Variants in PTPRD observed in about 807,000 individuals in gnomAD.
The protein encoded by PTPRD is receptor-type tyrosine-protein phosphatase delta.
Under a neutral mutation model 214.5 loss-of-function variants are expected in PTPRD, and 34 were observed. The observed-to-expected ratio is 0.16, with a 90% CI of 0.12 to 0.21. The LOEUF is 0.21. Ranked by LOEUF, PTPRD falls within the 10% of genes least tolerant of loss-of-function variation. The pLI is 1.00. For synonymous variants in PTPRD, 1,128 were observed against 845.7 expected (o/e 1.33, Z -5.79); for missense variants, 2,545 against 2,398.7 (o/e 1.06, Z -1.27).
chr9:8,799,396 T>A (rs754563520), intron 11 of PTPRD, among the ~76,000 whole-genome samples: 2 of 152,236 alleles, frequency 1.3e-5, no homozygotes, highest in Admixed American at 6.5e-5. Flanking sequence ...CTGAAGTTCT[T>A]TGAAGTTTCC....
At chr9:9,515,001 A>G (rs2154249132) in intron 8 of PTPRD, among the ~76,000 whole-genome samples, 1 of 152,204 alleles carries the variant, frequency 6.6e-6, no homozygotes, top group African/African-American at 2.4e-5. Flanking sequence ...GAGGTCATGA[A>G]CCATTTTATC....
intron 9 of PTPRD, among the ~76,000 whole-genome samples, chr9:9,186,296 G>A (rs1163497402): frequency 6.6e-6 from 1 of 152,062 alleles, no homozygotes; most frequent in East Asian, 1.9e-4. Flanking sequence ...AATTTGGACT[G>A]GTTGTTATGG....
intron 8 of PTPRD, among the ~76,000 whole-genome samples, chr9:9,570,378 C>G (rs1303035170): frequency 1.3e-5 from 2 of 151,430 alleles, no homozygotes; most frequent in Non-Finnish European, 1.5e-5. Flanking sequence ...CATTTTTCCC[C>G]AAGCCCTGTC....
chr9:10,488,743 C>T (rs1351093923), intron 2 of PTPRD, among the ~76,000 whole-genome samples: 1 of 152,188 alleles, frequency 6.6e-6, no homozygotes, highest in Non-Finnish European at 1.5e-5. Flanking sequence ...ACCGCCACCA[C>T]AGGCCCATGG....
chr9:9,209,812 G>A (rs566660736), intron 9 of PTPRD, among the ~76,000 whole-genome samples: 1 of 152,180 alleles, frequency 6.6e-6, no homozygotes, highest in East Asian at 1.9e-4. Context: ...CTTGCAATTA[G>A]TAAGTTAGCC....
intron 5 of PTPRD, among the ~76,000 whole-genome samples, chr9:9,925,723 A>C (rs1236433458): frequency 6.6e-6 from 1 of 152,018 alleles, no homozygotes; most frequent in South Asian, 2.1e-4. Context: ...TGTCTCAAAA[A>C]ATTTTCTTCT....
chr9:9,372,065 G>A (rs572848229), intron 9 of PTPRD, among the ~76,000 whole-genome samples: 11 of 152,270 alleles, frequency 7.2e-5, no homozygotes, highest in Non-Finnish European at 1.3e-4. Flanking sequence ...AGTGCAGTGT[G>A]GTGCTGAAAA....
intron 8 of PTPRD, among the ~76,000 whole-genome samples, chr9:9,404,997 C>A (rs1387247415): frequency 6.6e-6 from 1 of 151,996 alleles, no homozygotes; most frequent in African/African-American, 2.4e-5. Flanking sequence ...TGTTTATTTC[C>A]CCATCATTTC....
intron 9 of PTPRD, among the ~76,000 whole-genome samples, chr9:9,240,551 A>AT (rs1464225519): frequency 6.6e-6 from 1 of 152,142 alleles, no homozygotes; most frequent in Non-Finnish European, 1.5e-5. Flanking sequence ...CGTGCCTGTC[A>AT]TCCCAGCTAC....
chr9:9,396,722 A>G (rs572623162), intron 9 of PTPRD, among the ~76,000 whole-genome samples: 1 of 152,176 alleles, frequency 6.6e-6, no homozygotes, highest in South Asian at 2.1e-4. Flanking sequence ...GAATAAGAAC[A>G]AAAAATGCAA....
At chr9:9,900,039 A>C (rs1402586432) in intron 5 of PTPRD, among the ~76,000 whole-genome samples, 1 of 152,182 alleles carries the variant, frequency 6.6e-6, no homozygotes, top group East Asian at 1.9e-4. Flanking sequence ...GAAAAAAATG[A>C]AATATTGAAG....
At chr9:8,958,215 A>G (rs1325765382) in intron 11 of PTPRD, among the ~76,000 whole-genome samples, 2 of 151,904 alleles carry the variant, frequency 1.3e-5, no homozygotes, top group South Asian at 2.1e-4. Context: ...CTGGAGACTC[A>G]TGATGCCTCA....
chr9:10,417,695 A>T lies in PTPRD; in HGVS notation c.-599-76678T>A, dbSNP rs185935658. ...TAGAAAGTAACAAAAAATTAAAATT[A>T]AAATTGGAAACAATAGTAGCAAGGA... is the stretch of plus-strand genomic sequence containing the variant. On this transcript the variant is annotated intron_variant, in intron 2 of 45. Coordinates refer to ENST00000381196, the MANE Select transcript of PTPRD (RefSeq NM_002839.4). Among the ~76,000 whole-genome samples, 606 of 151,934 alleles carry T rather than the reference A, an allele frequency of 4.0e-3. 4 individuals are homozygous for T. The highest frequency in any genetic ancestry group is 0.014 in the African/African-American group (579 of 41,532).
chr9:10,366,057 A>T (rs537495454), intron 2 of PTPRD, among the ~76,000 whole-genome samples: 1 of 152,166 alleles, frequency 6.6e-6, no homozygotes, highest in Non-Finnish European at 1.5e-5. Context: ...CATAGATTTC[A>T]TTATCAGGAA....
intron 35 of PTPRD, among the ~76,000 whole-genome samples, chr9:8,416,854 C>T (rs1341399570): frequency 2.0e-5 from 3 of 151,566 alleles, no homozygotes; most frequent in Non-Finnish European, 2.9e-5. Context: ...CTCCATATTA[C>T]AGATAAAGAA....
intron 7 of PTPRD, among the ~76,000 whole-genome samples, chr9:9,580,908 T>C (rs1563837290): frequency 1.3e-5 from 2 of 152,044 alleles, no homozygotes; most frequent in African/African-American, 4.8e-5. Context: ...TTGAGTTCAT[T>C]GTAAATTCTG....
chr9:9,490,390 G>A (rs1589739752), intron 8 of PTPRD, among the ~76,000 whole-genome samples: 1 of 152,028 alleles, frequency 6.6e-6, no homozygotes, highest in African/African-American at 2.4e-5. Flanking sequence ...GTTTTTAATT[G>A]TATTTGTCGC....
At chr9:9,707,523 T>C (rs916516830) in intron 7 of PTPRD, among the ~76,000 whole-genome samples, 3 of 152,134 alleles carry the variant, frequency 2.0e-5, no homozygotes, top group Non-Finnish European at 4.4e-5. Flanking sequence ...AATGCTGGCA[T>C]ACTCACTGGA....
chr9:9,121,471 C>A (rs756561715), intron 10 of PTPRD, among the ~76,000 whole-genome samples: 6 of 151,996 alleles, frequency 3.9e-5, no homozygotes, highest in African/African-American at 1.5e-4. Context: ...TATATATACA[C>A]GATAGAATAC....
Sources: gnomAD v4.1 joint callset for allele counts (sites outside exome capture counted in the v4.1 genomes callset) on GRCh38, gnomAD v4.1.1 for gene constraint, MANE v1.5 for transcripts, NCBI Gene and HGNC (gene_info 2026-07-23, HGNC 2026-07-21) for gene names.